The following AGMO variants were observed in gnomAD, a reference collection of about 807,000 sequenced individuals.
The protein encoded by AGMO is alkylglycerol monooxygenase.
Under a neutral mutation model 60.2 loss-of-function variants are expected in AGMO, and 75 were observed. The ratio of observed to expected loss-of-function variants is 1.25; its 90% confidence interval spans 1.03 to 1.51. The LOEUF (loss-of-function observed/expected upper bound fraction) is 1.51. Among genes scored for constraint, AGMO ranks in the 40% most tolerant of loss-of-function variants. The pLI is 0.00. For synonymous variants in AGMO, 261 were observed against 177.1 expected, an observed-to-expected ratio of 1.47 and a Z score of -3.76; for missense variants, 763 against 525.5, an observed-to-expected ratio of 1.45 and a Z score of -4.42.
intron 12 of AGMO, among the ~76,000 whole-genome samples, chr7:15,237,282 T>C (rs1447335949): frequency 2.6e-5 from 4 of 152,144 alleles, no homozygotes; most frequent in African/African-American, 9.7e-5. Context: ...AGGGTCAGGC[T>C]TGTGTCAGTG....
chr7:15,186,148 G>A, the AGMO span, among the ~76,000 whole-genome samples: 3 of 152,118 alleles, frequency 2.0e-5, no homozygotes, highest in African/African-American at 7.2e-5. Flanking sequence ...CTCTAAGGCT[G>A]GTTATTGCTT....
intron 12 of AGMO, among the ~76,000 whole-genome samples, chr7:15,247,398 A>G (rs1423452181): frequency 1.3e-5 from 2 of 149,730 alleles, no homozygotes; most frequent in Middle Eastern, 3.5e-3. Flanking sequence ...TTTTGTTAAT[A>G]TATGACTTGG....
chr7:15,516,179 G>A (rs1163366011), intron 3 of AGMO, among the ~76,000 whole-genome samples: 1 of 151,770 alleles, frequency 6.6e-6, no homozygotes, highest in Non-Finnish European at 1.5e-5. Context: ...ATTGGAAGTA[G>A]GCCAAACATC....
In AGMO at chr7:15,239,067, A is replaced by T. The variant is rs543987702; in HGVS notation, c.1264-37708T>A. Reference sequence around the variant, plus strand: ...TGAAGGTAGTACCTGGCAAACCTAAAACTTAAATTCAGGAAGTCTGGTTCT... The same window carrying T: ...TGAAGGTAGTACCTGGCAAACCTAATACTTAAATTCAGGAAGTCTGGTTCT... On this transcript the variant is annotated intron_variant, in intron 12 of 12. Coordinates refer to ENST00000342526, the MANE Select transcript of AGMO (RefSeq NM_001004320.2). Among the ~76,000 whole-genome samples, 118 of 152,216 alleles carry T rather than the reference A, an allele frequency of 7.8e-4. 2 individuals are homozygous for T. In the South Asian group the frequency reaches 0.023, roughly 30 times the overall value.
At chr7:15,369,194 C>G (rs758130293) in intron 10 of AGMO, among the ~76,000 whole-genome samples, 2 of 152,012 alleles carry the variant, frequency 1.3e-5, no homozygotes, top group African/African-American at 4.8e-5. Context: ...ATGATCTCCC[C>G]AACAATTGTT....
At chr7:15,288,182 C>A (rs1784154918) in intron 12 of AGMO, among the ~76,000 whole-genome samples, 1 of 151,924 alleles carries the variant, frequency 6.6e-6, no homozygotes, top group Admixed American at 6.6e-5. Flanking sequence ...CAGCACCACG[C>A]CCGGCTAATT....
chr7:15,183,875 A>C, the AGMO span, among the ~76,000 whole-genome samples: 5 of 152,232 alleles, frequency 3.3e-5, no homozygotes, highest in African/African-American at 4.8e-5. Flanking sequence ...AGACAACATA[A>C]GAATTTTAAT....
chr7:15,253,604 A>G (rs1198679655), intron 12 of AGMO, among the ~76,000 whole-genome samples: 1 of 152,104 alleles, frequency 6.6e-6, no homozygotes, highest in Non-Finnish European at 1.5e-5. Context: ...TAGGGACTAC[A>G]ATGTGTTGTT....
chr7:15,397,763 G>A (rs916409200), intron 5 of AGMO, among the ~76,000 whole-genome samples: 2 of 152,130 alleles, frequency 1.3e-5, no homozygotes, highest in Admixed American at 1.3e-4. Context: ...ATACACCAAA[G>A]ATTATTTGTA....
intron 12 of AGMO, among the ~76,000 whole-genome samples, chr7:15,255,481 C>T (rs190632948): frequency 1.0e-3 from 151 of 147,012 alleles, no homozygotes; most frequent in Non-Finnish European, 1.7e-3. Context: ...TGCATTCTTC[C>T]GAATTCCCTC....
chr7:15,532,810 G>A (rs1006145093), intron 3 of AGMO, among the ~76,000 whole-genome samples: 1 of 152,092 alleles, frequency 6.6e-6, no homozygotes, highest in African/African-American at 2.4e-5. Context: ...GGACAATGAA[G>A]TGAGACCCCA....
At chr7:15,354,491 C>G (rs1583447408) in intron 12 of AGMO, among the ~76,000 whole-genome samples, 3 of 13,990 alleles carry the variant, frequency 2.1e-4, no homozygotes, top group Admixed American at 8.6e-4. Flanking sequence ...TGTATATACA[C>G]ACGTGTATAT....
rs932767626 is a variant in AGMO, at chr7:15,369,678, A to G, written c.1075-3456T>C. On this transcript the variant is annotated intron_variant, in intron 10 of 12. Transcript: ENST00000342526. The stretch of plus-strand genomic sequence containing the variant: ...TGATTTTCCACTTCTATACACGTAT[A>G]TATTTGTTGGTGCATTCTCTGTTGT... Among the ~76,000 whole-genome samples, 3 of 152,096 alleles carry G rather than the reference A, an allele frequency of 2.0e-5. No individual in the cohort carries two copies. The East Asian group carries it at 5.8e-4, about 29-fold the overall frequency.
chr7:15,198,983 C>T (rs1781203920), downstream of AGMO, among the ~76,000 whole-genome samples: 1 of 152,110 alleles, frequency 6.6e-6, no homozygotes. Context: ...GCAGCCTTGT[C>T]CCCAGGCAAG....
chr7:15,262,045 A>G (rs181955675), intron 12 of AGMO, among the ~76,000 whole-genome samples: 1 of 152,186 alleles, frequency 6.6e-6, no homozygotes, highest in Non-Finnish European at 1.5e-5. Flanking sequence ...ATTATCCTGA[A>G]TGGAGAAAAG....
intron 3 of AGMO, among the ~76,000 whole-genome samples, chr7:15,537,611 A>G (rs1201638307): frequency 6.6e-6 from 1 of 152,050 alleles, no homozygotes; most frequent in Non-Finnish European, 1.5e-5. Context: ...TTTACAATCA[A>G]TGTTCAAAAA....
chr7:15,333,111 C>A (rs1781547100), intron 12 of AGMO, among the ~76,000 whole-genome samples: 1 of 152,098 alleles, frequency 6.6e-6, no homozygotes, highest in Admixed American at 6.6e-5. Flanking sequence ...TGTGATGATA[C>A]AGCTGACAAA....
rs529462358 is a variant in AGMO at position 15,553,535 on chromosome 7, A to T, written c.257+6606T>A. On this transcript the variant is annotated intron_variant, in intron 2 of 12. Coordinates refer to ENST00000342526, the MANE Select transcript of AGMO (RefSeq NM_001004320.2). ...CAGGCACAGCACAAGACACAAGAAC[A>T]CACTATTAAACAGGGCAAATGCCAC... Among the ~76,000 whole-genome samples the T allele has an allele frequency of 1.6e-4, 25 of 151,934 alleles. No homozygotes were observed. The East Asian group carries it at 4.3e-3, about 26-fold the overall frequency.
intron 10 of AGMO, among the ~76,000 whole-genome samples, chr7:15,369,749 C>G (rs2128563942): frequency 6.6e-6 from 1 of 152,130 alleles, no homozygotes; most frequent in Admixed American, 6.5e-5. Context: ...GTTTTTATCT[C>G]TTCATTCACT....
Sources: allele counts gnomAD v4.1 joint callset (sites outside exome capture counted in the v4.1 genomes callset), GRCh38; gene constraint gnomAD v4.1.1; transcripts MANE v1.5; gene names NCBI Gene and HGNC (gene_info 2026-07-23, HGNC 2026-07-21).